SPATA13: variants seen among roughly 807,000 people sequenced by gnomAD.
SPATA13 encodes the protein spermatogenesis-associated protein 13.
A neutral mutation model predicts 104.0 loss-of-function variants in SPATA13; 50 were observed. The observed-to-expected ratio is 0.48, with a 90% CI of 0.38 to 0.61. The LOEUF (loss-of-function observed/expected upper bound fraction) is 0.61, where lower values mean the gene tolerates loss of function less well. Among genes scored for constraint, SPATA13 ranks in the 20% least tolerant of loss-of-function variants. The pLI, the probability that SPATA13 is intolerant of heterozygous loss-of-function variation, is 0.00. For synonymous variants in SPATA13, 606 were observed against 667.5 expected (o/e 0.91, Z 1.42); for missense variants, 1,524 against 1,690.6 (o/e 0.90, Z 1.73).
intron 3 of SPATA13, among the ~76,000 whole-genome samples, chr13:24,038,706 A>G (rs1477394270): frequency 6.6e-6 from 1 of 152,144 alleles, no homozygotes; most frequent in Non-Finnish European, 1.5e-5. Flanking sequence ...AAACAACTCT[A>G]TTTACAGAAA....
intron 3 of SPATA13, among the ~76,000 whole-genome samples, chr13:24,149,361 T>A (rs1255831184): frequency 6.6e-6 from 1 of 152,156 alleles, no homozygotes; most frequent in African/African-American, 2.4e-5. Flanking sequence ...ATATGTGAGA[T>A]CGTGGGGGTG....
chr13:24,300,266 C>T (rs1877090379), intron 11 of SPATA13, 135 bp from the exon 12 acceptor site: 7 of 646,930 alleles, frequency 1.1e-5, no homozygotes, highest in South Asian at 2.1e-5. Flanking sequence ...AACCTGTCCA[C>T]GTTCTTTGAG....
At chr13:23,991,397 A>G (rs1356606209) in intron 2 of SPATA13, among the ~76,000 whole-genome samples, 2 of 152,136 alleles carry the variant, frequency 1.3e-5, no homozygotes, top group East Asian at 1.9e-4. Flanking sequence ...CAAAGGTCAT[A>G]TTTTACTGCA....
chr13:24,155,852 T>C (rs551815570), upstream of SPATA13, among the ~76,000 whole-genome samples: 131 of 152,332 alleles, frequency 8.6e-4, no homozygotes, highest in Non-Finnish European at 1.0e-3. Context: ...ACTTTCCCAC[T>C]GCAGCCTCTG....
intron 3 of SPATA13, among the ~76,000 whole-genome samples, chr13:24,047,018 A>C (rs1477764536): frequency 6.6e-6 from 1 of 152,040 alleles, no homozygotes; most frequent in Non-Finnish European, 1.5e-5. Flanking sequence ...TTCATGGCTA[A>C]TTTGGTGAAC....
At chr13:24,284,424 G>T (rs1344706024) in intron 5 of SPATA13, among the ~76,000 whole-genome samples, 153 bp downstream of exon 5, 3 of 152,158 alleles carry the variant, frequency 2.0e-5, no homozygotes, top group Admixed American at 1.3e-4. Flanking sequence ...ACTTTGGAAG[G>T]CCAAGGCAGG....
intron 3 of SPATA13, among the ~76,000 whole-genome samples, chr13:24,079,898 C>G (rs1332417336): frequency 6.6e-6 from 1 of 152,172 alleles, no homozygotes; most frequent in African/African-American, 2.4e-5. Flanking sequence ...CAGTAAGTCA[C>G]AAAGTCAACC....
intron 4 of SPATA13, among the ~76,000 whole-genome samples, chr13:24,274,944 G>GTA (rs1380231810): frequency 4.6e-5 from 7 of 152,270 alleles, no homozygotes; most frequent in African/African-American, 1.7e-4. Flanking sequence ...TTTAAGGGCT[G>GTA]TGTTAGATCT....
rs1029780502 is a variant in SPATA13, at chr13:24,029,219, C to T, written c.-112+11518C>T. The stretch of plus-strand genomic sequence containing the variant: ...ACTTACAGGCATGTGCCAACACAGC[C>T]GGCCTCTGAAAATCTTTTCGTGGGA... On this transcript the variant is annotated intron_variant, in intron 3 of 14. Coordinates refer to the SPATA13 transcript ENST00000424834. 3.3e-5 allele frequency among the ~76,000 whole-genome samples: 5 copies of T among 152,204 alleles called. No individual in the cohort carries two copies. The East Asian group carries it at 5.8e-4, about 18-fold the overall frequency.
chr13:23,997,535 A>T (rs1469738979), intron 2 of SPATA13, among the ~76,000 whole-genome samples: 5 of 97,488 alleles, frequency 5.1e-5, no homozygotes, highest in African/African-American at 1.3e-4. Flanking sequence ...CTTAGTAGTT[A>T]TATTAGTCCA....
At chr13:24,190,340 A>AATATTATATATTAT (rs1869638451) in intron 1 of SPATA13, among the ~76,000 whole-genome samples, 1 of 6,008 alleles carries the variant, frequency 1.7e-4, no homozygotes, top group African/African-American at 1.8e-4. Flanking sequence ...TATTATATAT[A>AATATTATATATTAT]ATATATAATA....
intron 3 of SPATA13, among the ~76,000 whole-genome samples, chr13:24,118,679 C>A (rs1445694696): frequency 6.6e-6 from 1 of 152,080 alleles, no homozygotes; most frequent in Non-Finnish European, 1.5e-5. Flanking sequence ...AAGCACACCC[C>A]AAGCAGGACT....
intron 3 of SPATA13, among the ~76,000 whole-genome samples, chr13:24,135,707 A>G (rs1051457051): frequency 6.6e-6 from 1 of 151,952 alleles, no homozygotes; most frequent in Admixed American, 6.6e-5. Context: ...CAAAAAAAAA[A>G]AAAAAAAAAA....
At chr13:24,121,509 A>G (rs1159425898) in intron 3 of SPATA13, among the ~76,000 whole-genome samples, 1 of 152,222 alleles carries the variant, frequency 6.6e-6, no homozygotes, top group African/African-American at 2.4e-5. Context: ...ATAAATGACC[A>G]ATAATCTACA....
chr13:24,265,461 C>T (rs763640415), intron 4 of SPATA13, among the ~76,000 whole-genome samples: 1 of 152,192 alleles, frequency 6.6e-6, no homozygotes, highest in Non-Finnish European at 1.5e-5. Context: ...GCCTGAATAA[C>T]TGATAGCAAA....
At chr13:24,263,887 T>A (rs1874175156) in intron 4 of SPATA13, among the ~76,000 whole-genome samples, 1 of 152,258 alleles carries the variant, frequency 6.6e-6, no homozygotes, top group Non-Finnish European at 1.5e-5. Context: ...GTCTTCTGAC[T>A]GCTGTGAGAC....
chr13:24,137,239 T>C (rs372041520), intron 3 of SPATA13, among the ~76,000 whole-genome samples: 3 of 152,288 alleles, frequency 2.0e-5, no homozygotes, highest in South Asian at 4.1e-4. Flanking sequence ...TGGGCTTCAG[T>C]TGGGGTGAAA....
chr13:24,082,744 C>T (rs1593317903), intron 3 of SPATA13, among the ~76,000 whole-genome samples: 2 of 141,546 alleles, frequency 1.4e-5, no homozygotes, highest in South Asian at 2.3e-4. Flanking sequence ...GGCGTGAACC[C>T]GGGAAGCGGA....
At chr13:24,176,886 T>A (rs1212019288) in intron 1 of SPATA13, among the ~76,000 whole-genome samples, 3 of 152,100 alleles carry the variant, frequency 2.0e-5, no homozygotes, top group Non-Finnish European at 4.4e-5. Context: ...GCCTCAGCTT[T>A]CTGAGTAGCT....
Sources: gnomAD v4.1 joint callset for allele counts (sites outside exome capture counted in the v4.1 genomes callset) on GRCh38, gnomAD v4.1.1 for gene constraint, MANE v1.5 for transcripts, NCBI Gene and HGNC (gene_info 2026-07-23, HGNC 2026-07-21) for gene names.